PLCG2: variants seen among roughly 807,000 people sequenced by gnomAD.
The protein encoded by PLCG2 is 1-phosphatidylinositol 4,5-bisphosphate phosphodiesterase gamma-2.
A neutral mutation model predicts 175.6 loss-of-function variants in PLCG2; 69 were observed. The observed-to-expected ratio is 0.39, with a 90% CI of 0.32 to 0.48. The LOEUF is 0.48. Among genes scored for constraint, PLCG2 ranks in the 20% least tolerant of loss-of-function variants. The pLI is 0.91. For synonymous variants in PLCG2, 827 were observed against 624.0 expected (o/e 1.33, Z -4.85); for missense variants, 1,798 against 1,650.9 (o/e 1.09, Z -1.54).
chr16:81,844,156 T>TG (rs1905987098), intron 2 of PLCG2, among the ~76,000 whole-genome samples: 1 of 148,842 alleles, frequency 6.7e-6, no homozygotes, highest in African/African-American at 2.5e-5. Flanking sequence ...TTTTTTTTTT[T>TG]TTTTTTTTTT....
chr16:81,745,596 T>C (rs980887579), intron 1 of PLCG2, among the ~76,000 whole-genome samples: 2 of 152,228 alleles, frequency 1.3e-5, no homozygotes, highest in Admixed American at 1.3e-4. Flanking sequence ...CTGCATGTAG[T>C]TGGCTCCTGG....
At chr16:81,918,242 C>T (rs1348470388) in intron 19 of PLCG2, among the ~76,000 whole-genome samples, 2 of 152,098 alleles carry the variant, frequency 1.3e-5, no homozygotes, top group African/African-American at 4.8e-5. Flanking sequence ...GTTGCCTGTG[C>T]TTTTGGGGTC....
In PLCG2 at chr16:81,938,933, G is replaced by A. The variant is rs1324655540; in HGVS notation, c.3313+18G>A. ...GGTTGTGAGTAAGTCAGTCACCTTGGCCCCTCTGCTTTTAAACGTCCGGCC... is the reference window on the plus strand; with the variant it reads ...GGTTGTGAGTAAGTCAGTCACCTTGACCCCTCTGCTTTTAAACGTCCGGCC... On this transcript the variant is annotated intron_variant, in intron 29 of 32. Coordinates refer to ENST00000564138, the MANE Select transcript of PLCG2 (RefSeq NM_002661.5). The A allele has an allele frequency of 6.9e-7, 1 of 1,452,256 alleles. No homozygotes were observed. The highest frequency in any genetic ancestry group is 9.7e-7 in the Non-Finnish European group (1 of 1,035,254). The allele number at this position is 1,452,256 out of a possible 1,614,324, so 90.0% of individuals were successfully genotyped here.
At position 81,940,182 on chromosome 16, in the gene PLCG2, T is replaced by C. The variant is rs911532251; in HGVS notation, c.3481+123T>C. The stretch of plus-strand genomic sequence containing the variant: ...TTGGATGGAATCACTGTAAAACCGA[T>C]TGGGTGGCTTGGAGAGCAGGTGTAC... On this transcript the variant is annotated intron_variant, in intron 30 of 32. Coordinates refer to ENST00000564138, the MANE Select transcript of PLCG2 (RefSeq NM_002661.5). 4.9e-6 allele frequency: 4 copies of C among 823,640 alleles called. No homozygotes were observed. The African/African-American group carries it at 5.5e-5, about 11-fold the overall frequency. The allele number at this position is 823,640 out of a possible 1,614,324, so 51.0% of individuals were successfully genotyped here.
At chr16:81,859,696 G>A (rs542602302) in intron 5 of PLCG2, among the ~76,000 whole-genome samples, 1 of 152,100 alleles carries the variant, frequency 6.6e-6, no homozygotes, top group African/African-American at 2.4e-5. Context: ...CACCATGCCC[G>A]GCTAATTTTT....
upstream of PLCG2, among the ~76,000 whole-genome samples, chr16:81,776,741 G>C (rs1036722898): frequency 6.6e-6 from 1 of 152,196 alleles, no homozygotes; most frequent in African/African-American, 2.4e-5. Flanking sequence ...TTTTAGTAGA[G>C]AGGGTGTTTT....
At chr16:81,835,804 C>A (rs1597345601) in intron 2 of PLCG2, among the ~76,000 whole-genome samples, 1 of 152,002 alleles carries the variant, frequency 6.6e-6, no homozygotes, top group African/African-American at 2.4e-5. Context: ...AGGGGAGGAT[C>A]CTTCCTCTCC....
At chr16:81,845,008 A>G (rs910769375) in intron 2 of PLCG2, among the ~76,000 whole-genome samples, 1 of 152,222 alleles carries the variant, frequency 6.6e-6, no homozygotes, top group African/African-American at 2.4e-5. Flanking sequence ...AGCTCATTGC[A>G]GCCTCAAACT....
At chr16:81,791,501 G>A (rs1190662559) in intron 2 of PLCG2, among the ~76,000 whole-genome samples, 1 of 152,208 alleles carries the variant, frequency 6.6e-6, no homozygotes, top group Admixed American at 6.5e-5. Flanking sequence ...GAAGGTTCCA[G>A]AATCTTCACT....
At chr16:81,872,284 C>CA (rs1248926788) in intron 7 of PLCG2, among the ~76,000 whole-genome samples, 9 of 152,110 alleles carry the variant, frequency 5.9e-5, no homozygotes, top group African/African-American at 1.2e-4. Context: ...GCCGAGATTG[C>CA]ACTACTGCAC....
chr16:81,897,396 T>C (rs1908940848), intron 13 of PLCG2, among the ~76,000 whole-genome samples: 1 of 152,170 alleles, frequency 6.6e-6, no homozygotes, highest in Non-Finnish European at 1.5e-5. Flanking sequence ...TGTTAAAAAA[T>C]AGAGGTGATA....
chr16:81,944,812 A>G (rs1354589310), intron 30 of PLCG2, among the ~76,000 whole-genome samples: 4 of 152,104 alleles, frequency 2.6e-5, no homozygotes, highest in African/African-American at 9.7e-5. Flanking sequence ...TGAGCCTCCA[A>G]GGATTTTGGT....
At chr16:81,743,703 G>C (rs1031832082) in intron 1 of PLCG2, among the ~76,000 whole-genome samples, 1 of 152,214 alleles carries the variant, frequency 6.6e-6, no homozygotes, top group Non-Finnish European at 1.5e-5. Flanking sequence ...GCTCCTGTGG[G>C]AGACAGCCTG....
At chr16:81,800,704 C>T (rs1412708378) in intron 2 of PLCG2, among the ~76,000 whole-genome samples, 2 of 151,820 alleles carry the variant, frequency 1.3e-5, no homozygotes, top group African/African-American at 2.4e-5. Context: ...ATTTCCAACC[C>T]TCTATGATAG....
chr16:81,763,579 G>T (rs919762650), intron 2 of PLCG2, among the ~76,000 whole-genome samples: 2 of 152,236 alleles, frequency 1.3e-5, no homozygotes, highest in African/African-American at 2.4e-5. Flanking sequence ...GTCTTCTAAC[G>T]TCATCTTGGG....
chr16:81,927,790 C>A (rs923021097), intron 23 of PLCG2, among the ~76,000 whole-genome samples: 5 of 152,132 alleles, frequency 3.3e-5, no homozygotes, highest in African/African-American at 1.2e-4. Context: ...CCTTAAAAGT[C>A]AAGTTAGAGT....
chr16:81,945,489 C>T (rs752880478), intron 30 of PLCG2, among the ~76,000 whole-genome samples: 16 of 152,210 alleles, frequency 1.1e-4, no homozygotes, highest in Non-Finnish European at 1.8e-4. Context: ...GTGGGAGTGA[C>T]CGTTCTGTTT....
intron 8 of PLCG2, among the ~76,000 whole-genome samples, chr16:81,882,370 T>C (rs1360253437): frequency 6.6e-6 from 1 of 152,108 alleles, no homozygotes; most frequent in Non-Finnish European, 1.5e-5. Flanking sequence ...CACACTGCAG[T>C]TAATTTTGCC....
At position 81,800,074 on chromosome 16, in the gene PLCG2, A is replaced by G. The variant is rs116458694; in HGVS notation, c.193+13892A>G. Among the ~76,000 whole-genome samples, 13 of 152,334 alleles carry G rather than the reference A, an allele frequency of 8.5e-5. No homozygotes were observed. In the South Asian group the frequency reaches 2.5e-3, roughly 29 times the overall value. ...TCATTGCACTCATCTGTAAAATAGG[A>G]TAATAATGGTACCTATTACACTGGA... On this transcript the variant is annotated intron_variant, in intron 2 of 32. Coordinates refer to ENST00000564138, the MANE Select transcript of PLCG2 (RefSeq NM_002661.5).
Sources: allele counts gnomAD v4.1 joint callset (sites outside exome capture counted in the v4.1 genomes callset), GRCh38; gene constraint gnomAD v4.1.1; transcripts MANE v1.5; gene names NCBI Gene and HGNC (gene_info 2026-07-23, HGNC 2026-07-21).